The following PDZD2 variants were observed in gnomAD, a reference collection of about 807,000 sequenced individuals.
PDZD2 encodes the protein PDZ domain containing 2, also known as PDZ domain-containing protein 2.
In PDZD2, 90 loss-of-function variants were observed where a neutral mutation model predicts 220.7. The ratio of observed to expected loss-of-function variants is 0.41; its 90% CI spans 0.34 to 0.49. The LOEUF (loss-of-function observed/expected upper bound fraction) is 0.49, where lower values mean the gene tolerates loss of function less well. Ranked by LOEUF, PDZD2 falls within the 20% of genes least tolerant of loss-of-function variation. PDZD2 has a pLI of 0.28. For synonymous variants in PDZD2, 1,375 were observed against 1,450.5 expected (o/e 0.95, Z 1.18); for missense variants, 3,174 against 3,608.5 (o/e 0.88, Z 3.08).
intron 1 of PDZD2, among the ~76,000 whole-genome samples, chr5:31,749,247 A>G (rs1197644692): frequency 6.6e-6 from 1 of 152,178 alleles, no homozygotes; most frequent in Non-Finnish European, 1.5e-5. Context: ...TTTGCCCTAG[A>G]TCAGTGACAC....
chr5:31,693,365 CT>C (rs1267968101), intron 1 of PDZD2, among the ~76,000 whole-genome samples: 1 of 151,458 alleles, frequency 6.6e-6, no homozygotes, highest in African/African-American at 2.4e-5. Flanking sequence ...TCTCAGCCTC[CT>C]GAGTAGCTGG....
chr5:31,768,379 A>G (rs1752148577), intron 1 of PDZD2, among the ~76,000 whole-genome samples: 1 of 152,162 alleles, frequency 6.6e-6, no homozygotes, highest in Non-Finnish European at 1.5e-5. Context: ...TCAGTGGCTC[A>G]TGTCTGTAAT....
chr5:32,048,259 A>C (rs1057186556), intron 7 of PDZD2, among the ~76,000 whole-genome samples: 1 of 152,232 alleles, frequency 6.6e-6, no homozygotes, highest in Non-Finnish European at 1.5e-5. Flanking sequence ...CCAGAGCTAC[A>C]TCTTATTGGG....
At chr5:31,764,211 C>A (rs1419202173) in intron 1 of PDZD2, among the ~76,000 whole-genome samples, 1 of 152,178 alleles carries the variant, frequency 6.6e-6, no homozygotes, top group Non-Finnish European at 1.5e-5. Flanking sequence ...TCTGACCCCT[C>A]AAAGTAAAAG....
intron 1 of PDZD2, among the ~76,000 whole-genome samples, chr5:31,764,628 A>G (rs1751877257): frequency 6.6e-6 from 1 of 152,270 alleles, no homozygotes; most frequent in Non-Finnish European, 1.5e-5. Context: ...AAGTTTTCCC[A>G]TGTCAGTATT....
chr5:31,689,330 C>CATATGCATAT lies in PDZD2; in HGVS notation c.-361+49897_-361+49898insGCATATATAT, dbSNP rs1375688425. 2.5e-3 allele frequency among the ~76,000 whole-genome samples: 145 copies of CATATGCATAT among 58,556 alleles called. 17 individuals are homozygous for CATATGCATAT. Among genetic ancestry groups the CATATGCATAT allele is most frequent in the South Asian group, 6.3e-3 (11 of 1,742 alleles). 38.4% of individuals were successfully genotyped at this position (58,556 alleles called of 152,430 possible). On this transcript the variant is annotated intron_variant, in intron 1 of 24. Transcript: ENST00000438447. ...ATACATACATATACACATATATATA[C>CATATGCATAT]ATATACATATATATATATATATATT... is the stretch of plus-strand genomic sequence containing the variant.
chr5:31,676,568 C>CT (rs778418372), intron 1 of PDZD2, among the ~76,000 whole-genome samples: 7,900 of 136,342 alleles, frequency 0.058, 259 homozygotes, highest in East Asian at 0.074. Context: ...TTTGCTTTCT[C>CT]TTTTTTTTTT....
In PDZD2 at chr5:31,740,527, A is replaced by G. The variant is rs1243487547; in HGVS notation, c.-360-58362A>G. On this transcript the variant is annotated intron_variant, in intron 1 of 24. Transcript: ENST00000438447. ...GTGACAGAGCAAGACTCCGTCTCAAAAAAAAAAAAAAAAAAAAAAAAAAAA... is the reference window on the plus strand; with the variant it reads ...GTGACAGAGCAAGACTCCGTCTCAAGAAAAAAAAAAAAAAAAAAAAAAAAA... Among the ~76,000 whole-genome samples, 5 of 40,330 alleles carry G rather than the reference A, an allele frequency of 1.2e-4. 1 individual carries two copies. The highest frequency in any genetic ancestry group is 1.9e-3 in the South Asian group (2 of 1,074). 26.5% of individuals were successfully genotyped at this position (40,330 alleles called of 152,430 possible).
chr5:32,003,384 CCCA>C (rs1752523053), intron 5 of PDZD2, among the ~76,000 whole-genome samples: 1 of 81,240 alleles, frequency 1.2e-5, no homozygotes, highest in Non-Finnish European at 2.4e-5. Context: ...CACACACACA[CCCA>C]CACACACCAC....
At chr5:31,892,074 C>G (rs1256745934) in intron 2 of PDZD2, among the ~76,000 whole-genome samples, 1 of 152,026 alleles carries the variant, frequency 6.6e-6, no homozygotes, top group Non-Finnish European at 1.5e-5. Context: ...CCATGCCTGG[C>G]TAATTTTTTT....
intron 14 of PDZD2, among the ~76,000 whole-genome samples, chr5:32,068,209 T>G (rs1037631187): frequency 2.6e-5 from 4 of 152,120 alleles, no homozygotes; most frequent in Non-Finnish European, 5.9e-5. Flanking sequence ...AATTGAAGGT[T>G]TGGATTGGCC....
chr5:31,874,032 T>A (rs1182869762), intron 2 of PDZD2, among the ~76,000 whole-genome samples: 2 of 152,148 alleles, frequency 1.3e-5, no homozygotes, highest in Non-Finnish European at 2.9e-5. Flanking sequence ...CTGGGTGCAG[T>A]CTTTGAGTCT....
chr5:31,963,437 G>T (rs1346582302), intron 2 of PDZD2, among the ~76,000 whole-genome samples: 2 of 152,248 alleles, frequency 1.3e-5, no homozygotes, highest in Non-Finnish European at 2.9e-5. Flanking sequence ...CCAGAACAGG[G>T]TGGGTGCTGG....
chr5:32,093,120 C>G, intron 21 of PDZD2, 96 bp downstream of exon 21: 1 of 697,516 alleles, frequency 1.4e-6, no homozygotes, highest in Non-Finnish European at 2.6e-6. Flanking sequence ...GAGCCCGCCC[C>G]GAGTCCTGGA....
chr5:31,981,056 G>A (rs570491276), intron 2 of PDZD2, among the ~76,000 whole-genome samples: 1 of 152,290 alleles, frequency 6.6e-6, no homozygotes, highest in Non-Finnish European at 1.5e-5. Context: ...AAAATGCAAG[G>A]ATTACAGGCA....
At chr5:31,920,960 A>G (rs146080644) in intron 2 of PDZD2, among the ~76,000 whole-genome samples, 52 of 152,212 alleles carry the variant, frequency 3.4e-4, no homozygotes, top group South Asian at 3.1e-3. Context: ...ATTTCTTTTC[A>G]GTGTCATGTA....
At chr5:31,940,954 C>A (rs1282456454) in intron 2 of PDZD2, among the ~76,000 whole-genome samples, 2 of 151,816 alleles carry the variant, frequency 1.3e-5, no homozygotes, top group African/African-American at 4.8e-5. Flanking sequence ...TCCCCATGCC[C>A]CCCCACCAAA....
At chr5:32,042,227 A>C (rs1756242064) in intron 7 of PDZD2, among the ~76,000 whole-genome samples, 3 of 142,028 alleles carry the variant, frequency 2.1e-5, no homozygotes, top group African/African-American at 8.0e-5. Flanking sequence ...GCACCACTGC[A>C]CTCCAGCCTG....
chr5:31,831,578 C>G (rs1756591907), intron 2 of PDZD2, among the ~76,000 whole-genome samples: 1 of 152,082 alleles, frequency 6.6e-6, no homozygotes, highest in Non-Finnish European at 1.5e-5. Flanking sequence ...GAAACCCCGT[C>G]TCTACTAAAA....
Sources: allele counts gnomAD v4.1 joint callset (sites outside exome capture counted in the v4.1 genomes callset), GRCh38; gene constraint gnomAD v4.1.1; transcripts MANE v1.5; gene names NCBI Gene and HGNC (gene_info 2026-07-23, HGNC 2026-07-21).